PPP4R3B: variants seen among roughly 807,000 people sequenced by gnomAD.
PPP4R3B encodes serine/threonine-protein phosphatase 4 regulatory subunit 3B.
PPP4R3B carries 52 observed loss-of-function variants against 95.4 expected under a neutral mutation model. The observed-to-expected ratio is 0.54, with a 90% CI of 0.44 to 0.69. PPP4R3B has a LOEUF of 0.69. Ranked by LOEUF, PPP4R3B falls within the 30% of genes least tolerant of loss-of-function variation. PPP4R3B has a pLI of 0.00. For synonymous variants in PPP4R3B, 407 were observed against 343.9 expected (o/e 1.18, Z -2.03); for missense variants, 1,003 against 1,005.9 (o/e 1.00, Z 0.04).
At chr2:55,578,473 T>C in intron 9 of PPP4R3B, 131 bp from the exon 10 acceptor site, 1 of 943,836 alleles carries the variant, frequency 1.1e-6, no homozygotes, top group Non-Finnish European at 1.4e-6. Context: ...AATGCATTAT[T>C]TTCATTTATA....
chr2:55,563,904 C>G (rs1265164129), intron 15 of PPP4R3B, among the ~76,000 whole-genome samples: 1 of 152,058 alleles, frequency 6.6e-6, no homozygotes, highest in East Asian at 1.9e-4. Context: ...TTTAAAATTT[C>G]AAAGAGCAAA....
rs765158627 is a variant in PPP4R3B at position 55,564,359 on chromosome 2, T to C, written c.2214A>G (p.Glu738=). Residue 738 remains glutamate (E), a synonymous_variant, in exon 15 of 17, where the codon GAA becomes GAG. Coordinates refer to ENST00000616407, the MANE Select transcript of PPP4R3B (RefSeq NM_001122964.3). The stretch of plus-strand genomic sequence containing the variant: ...TTTCATAATTATCTGGAAAATCATC[T>C]TCTGGCTTAGGTTTTTCCACTGGTG... ...VVAPVEKPKP[E]DDFPDNYEKF... 10 of 1,613,412 alleles carry C rather than the reference T, an allele frequency of 6.2e-6. No individual in the cohort carries two copies. Among genetic ancestry groups the C allele is most frequent in the South Asian group, 2.2e-5 (2 of 90,936 alleles).
Position 55,612,018 on chromosome 2 carries a change from C to A in PPP4R3B, c.198+3433G>T, listed in dbSNP as rs1054574735. Reference sequence around the variant, plus strand: ...AAAGTGCTGAGATTGCAGGTGTGAGCCACCATGCCTGCCATAGTCAACATA... The same window carrying A: ...AAAGTGCTGAGATTGCAGGTGTGAGACACCATGCCTGCCATAGTCAACATA... On this transcript the variant is annotated intron_variant, in intron 2 of 16. Transcript: ENST00000616407. Among the ~76,000 whole-genome samples the A allele has an allele frequency of 2.3e-4, 35 of 152,150 alleles. 1 individual carries two copies. Among genetic ancestry groups the A allele is most frequent in the African/African-American group, 8.5e-4 (35 of 41,414 alleles).
intron 5 of PPP4R3B, among the ~76,000 whole-genome samples, chr2:55,587,032 G>A (rs559434528): frequency 1.3e-5 from 2 of 152,214 alleles, no homozygotes; most frequent in African/African-American, 4.8e-5. Flanking sequence ...CCAGTGAATG[G>A]AGGTGTTTGA....
At chr2:55,613,172 T>C (rs190674626) in intron 2 of PPP4R3B, among the ~76,000 whole-genome samples, 10 of 152,240 alleles carry the variant, frequency 6.6e-5, no homozygotes, top group African/African-American at 1.9e-4. Flanking sequence ...ACCATGTCTA[T>C]TACAAAGAAA....
intron 16 of PPP4R3B, among the ~76,000 whole-genome samples, chr2:55,557,195 G>A (rs1685965747): frequency 6.6e-6 from 1 of 152,172 alleles, no homozygotes; most frequent in Admixed American, 6.5e-5. Context: ...ACAACCCTAT[G>A]GCAAATATTC....
chr2:55,616,818 G>A (rs1052340948), intron 1 of PPP4R3B, among the ~76,000 whole-genome samples: 4 of 152,050 alleles, frequency 2.6e-5, no homozygotes, highest in Non-Finnish European at 2.9e-5. Context: ...GGGGGAGGAA[G>A]GTGTCAGCTC....
intron 12 of PPP4R3B, among the ~76,000 whole-genome samples, chr2:55,569,636 C>T (rs1011387828): frequency 1.3e-5 from 2 of 152,202 alleles, no homozygotes; most frequent in African/African-American, 2.4e-5. Context: ...CCAGTGGACA[C>T]GTGACCCATG....
In PPP4R3B at chr2:55,600,426, CAAAAAA is replaced by C. The variant is rs60764774; in HGVS notation, c.298-1393_298-1388del. On this transcript the variant is annotated intron_variant, in intron 3 of 16. Transcript: ENST00000616407. ...GGGCAACGAGAGTGAAACTCTGTCT[CAAAAAA>C]AAAAAAAAAAAAAAAAAAAAAAAAG... is the stretch of plus-strand genomic sequence containing the variant. 3.6e-3 allele frequency among the ~76,000 whole-genome samples: 79 copies of C among 22,158 alleles called. 1 individual carries two copies. The East Asian group carries it at 0.12, about 33-fold the overall frequency. 14.5% of individuals were successfully genotyped at this position (22,158 alleles called of 152,430 possible). A position where few individuals can be genotyped will look rare whatever the true frequency, so the allele number is the denominator to read the frequency against.
Position 55,577,429 on chromosome 2 carries a change from T to C in PPP4R3B, c.1565-73A>G. 4 of 1,279,390 alleles carry C rather than the reference T, an allele frequency of 3.1e-6. No homozygotes were observed. The South Asian group carries it at 8.3e-5, about 26-fold the overall frequency. The allele number at this position is 1,279,390 out of a possible 1,614,324, so 79.3% of individuals were successfully genotyped here. A position where few individuals can be genotyped will look rare whatever the true frequency, so the allele number is the denominator to read the frequency against. On this transcript the variant is annotated intron_variant, in intron 10 of 16. Coordinates refer to ENST00000616407, the MANE Select transcript of PPP4R3B (RefSeq NM_001122964.3). ...CCCAGATTTCCCTAGTACTTTATAA[T>C]ATACAATGCATGTCTTCAATCATAA...
At chr2:55,575,648 G>C (rs1574762609) in intron 11 of PPP4R3B, among the ~76,000 whole-genome samples, 2 of 151,734 alleles carry the variant, frequency 1.3e-5, no homozygotes, top group Non-Finnish European at 2.9e-5. Flanking sequence ...ATGTTGCCCA[G>C]GCTGGTCTCT....
intron 4 of PPP4R3B, 117 bp downstream of exon 4, chr2:55,598,299 T>TTA: frequency 4.5e-5 from 45 of 999,396 alleles, no homozygotes; most frequent in Non-Finnish European, 6.1e-5. Flanking sequence ...ATGTACTTAA[T>TTA]AGTACATTTA....
chr2:55,617,581 G>A lies in PPP4R3B; in HGVS notation c.-296C>T, dbSNP rs971970738. ...TCCCGCCGCCGCGGTAACTACTACAGATCCGCCATCTTGTAACCCGACTCT... is the reference window on the plus strand; with the variant it reads ...TCCCGCCGCCGCGGTAACTACTACAAATCCGCCATCTTGTAACCCGACTCT... On this transcript the variant is annotated 5_prime_UTR_variant, in exon 1 of 17. Transcript: ENST00000616407. 3.2e-6 allele frequency: 1 copy of A among 307,956 alleles called. No individual in the cohort carries two copies. Among genetic ancestry groups the A allele is most frequent in the South Asian group, 7.4e-5 (1 of 13,572 alleles). The allele number at this position is 307,956 out of a possible 1,614,324, so 19.1% of individuals were successfully genotyped here. A position where few individuals can be genotyped will look rare whatever the true frequency, so the allele number is the denominator to read the frequency against.
intron 15 of PPP4R3B, among the ~76,000 whole-genome samples, chr2:55,559,466 C>T (rs1342084613): frequency 1.3e-5 from 2 of 152,164 alleles, no homozygotes; most frequent in East Asian, 1.9e-4. Context: ...TGTGTCCCCA[C>T]CCAAATCGCA....
chr2:55,608,279 ACAGGTGGGAGC>A (rs1261090890), intron 2 of PPP4R3B, among the ~76,000 whole-genome samples: 2 of 152,232 alleles, frequency 1.3e-5, no homozygotes, highest in Admixed American at 1.3e-4. Flanking sequence ...TGCTGGGATT[ACAGGTGGGAGC>A]CACTGCACCC....
chr2:55,560,121 CA>C (rs1373583224), intron 15 of PPP4R3B, among the ~76,000 whole-genome samples: 2 of 149,984 alleles, frequency 1.3e-5, no homozygotes, highest in Non-Finnish European at 3.0e-5. Context: ...GACTCCATCT[CA>C]AAAAAAAAGA....
intron 3 of PPP4R3B, among the ~76,000 whole-genome samples, chr2:55,602,180 G>T: frequency 6.6e-6 from 1 of 152,140 alleles, no homozygotes; most frequent in South Asian, 2.1e-4. Context: ...AAAGTTAGTT[G>T]TTTCTTTAAA....
At chr2:55,615,857 C>CAAAAAAAAAAAA (rs58981030) in intron 1 of PPP4R3B, among the ~76,000 whole-genome samples, 1 of 39,064 alleles carries the variant, frequency 2.6e-5, no homozygotes, top group African/African-American at 1.8e-4. Flanking sequence ...ACTCTGTCTC[C>CAAAAAAAAAAAA]AAAAAAAAAA....
chr2:55,599,163 C>T lies in PPP4R3B; in HGVS notation c.298-124G>A, dbSNP rs559188532. ...AATTAAAAGTGAAGTCTAGGCCAGGCACGGTGGCTCACGCCTGTAATCCCA... is the reference window on the plus strand; with the variant it reads ...AATTAAAAGTGAAGTCTAGGCCAGGTACGGTGGCTCACGCCTGTAATCCCA... On this transcript the variant is annotated intron_variant, in intron 3 of 16. Coordinates refer to ENST00000616407, the MANE Select transcript of PPP4R3B (RefSeq NM_001122964.3). The T allele has an allele frequency of 1.1e-3, 929 of 858,970 alleles. 3 individuals carry two copies. Among genetic ancestry groups the T allele is most frequent in the Middle Eastern group, 9.6e-3 (27 of 2,798 alleles). The allele number at this position is 858,970 out of a possible 1,614,324, so 53.2% of individuals were successfully genotyped here.
Sources: allele counts gnomAD v4.1 joint callset (sites outside exome capture counted in the v4.1 genomes callset), GRCh38; gene constraint gnomAD v4.1.1; transcripts MANE v1.5; gene names NCBI Gene and HGNC (gene_info 2026-07-23, HGNC 2026-07-21).